Variants in SNTG1 observed in about 807,000 individuals in gnomAD.
SNTG1 encodes the protein syntrophin gamma 1.
In SNTG1, 39 loss-of-function variants were observed where a neutral mutation model predicts 74.7. The ratio of observed to expected loss-of-function variants is 0.52; its 90% CI spans 0.40 to 0.68. SNTG1 has a LOEUF of 0.68. Among genes scored for constraint, SNTG1 ranks in the 30% least tolerant of loss-of-function variants. The probability of loss-of-function intolerance (pLI) is 0.00; values close to 1 mark genes in which losing one functional copy is unlikely to be tolerated. For missense variants in SNTG1, 685 were observed against 609.5 expected, an observed-to-expected ratio of 1.12 and a Z score of -1.30; for synonymous variants, 254 against 217.1, an observed-to-expected ratio of 1.17 and a Z score of -1.49.
intron 13 of SNTG1, among the ~76,000 whole-genome samples, chr8:50,646,613 C>T (rs1231693846): frequency 6.6e-6 from 1 of 152,108 alleles, no homozygotes; most frequent in Non-Finnish European, 1.5e-5. Context: ...TTGATTCCTT[C>T]TTATAAAACA....
intron 1 of SNTG1, among the ~76,000 whole-genome samples, chr8:50,119,959 C>T (rs992819614): frequency 3.5e-5 from 5 of 141,942 alleles, no homozygotes; most frequent in African/African-American, 1.3e-4. Flanking sequence ...TCTTTATTAA[C>T]AATTACTTAT....
chr8:50,194,039 T>C (rs1384189186), intron 2 of SNTG1, among the ~76,000 whole-genome samples: 3 of 152,162 alleles, frequency 2.0e-5, no homozygotes, highest in African/African-American at 7.2e-5. Flanking sequence ...TCATGGTGGA[T>C]CATCTTTTTG....
At chr8:50,554,814 G>A (rs769646832) in intron 12 of SNTG1, among the ~76,000 whole-genome samples, 2 of 152,106 alleles carry the variant, frequency 1.3e-5, no homozygotes, top group Non-Finnish European at 2.9e-5. Context: ...ATTTGTTACA[G>A]AAATGATTAG....
At chr8:50,509,566 T>G (rs989127401) in intron 9 of SNTG1, among the ~76,000 whole-genome samples, 1 of 152,152 alleles carries the variant, frequency 6.6e-6, no homozygotes, top group South Asian at 2.1e-4. Context: ...TGTTCTTCCA[T>G]TTGTTTGTAT....
intron 9 of SNTG1, among the ~76,000 whole-genome samples, chr8:50,525,349 A>T (rs546396768): frequency 6.6e-6 from 1 of 152,254 alleles, no homozygotes; most frequent in African/African-American, 2.4e-5. Context: ...AATGAGTTTC[A>T]GTGTGAGCCT....
At chr8:50,254,948 CTTTTT>C (rs4006072) in intron 2 of SNTG1, among the ~76,000 whole-genome samples, 1 of 85,256 alleles carries the variant, frequency 1.2e-5, no homozygotes, top group Non-Finnish European at 2.3e-5. Context: ...TTTATTGCCA[CTTTTT>C]TTTTTTTTTT....
At chr8:50,538,031 C>T (rs1215662059) in intron 11 of SNTG1, among the ~76,000 whole-genome samples, 1 of 152,054 alleles carries the variant, frequency 6.6e-6, no homozygotes, top group Admixed American at 6.6e-5. Context: ...TTAGCATTAC[C>T]TCTTGATTTA....
At chr8:50,664,009 T>G (rs2095238535) in intron 15 of SNTG1, among the ~76,000 whole-genome samples, 1 of 152,178 alleles carries the variant, frequency 6.6e-6, no homozygotes, top group Non-Finnish European at 1.5e-5. Context: ...GTCCCCGAAC[T>G]CTAAGTATTC....
At chr8:50,732,514 A>C (rs2095515359) in intron 17 of SNTG1, among the ~76,000 whole-genome samples, 1 of 151,946 alleles carries the variant, frequency 6.6e-6, no homozygotes, top group Admixed American at 6.6e-5. Flanking sequence ...TTTTAACACA[A>C]AATGTTTAGA....
Position 50,578,567 on chromosome 8 carries a change from C to T in SNTG1, c.811-12312C>T, listed in dbSNP as rs1205438442. Among the ~76,000 whole-genome samples the T allele has an allele frequency of 3.9e-5, 6 of 152,208 alleles. No homozygotes were observed. The East Asian group carries it at 5.8e-4, about 15-fold the overall frequency. ...CATATCTCATCTTGAATTATAGTTCCTATAATGCCCACATGTTGTGGGAGG... is the reference window on the plus strand; with the variant it reads ...CATATCTCATCTTGAATTATAGTTCTTATAATGCCCACATGTTGTGGGAGG... On this transcript the variant is annotated intron_variant, in intron 12 of 18. Transcript: ENST00000642720.
chr8:50,028,579 C>G (rs1026328335), intron 1 of SNTG1, among the ~76,000 whole-genome samples: 2 of 138,312 alleles, frequency 1.4e-5, no homozygotes, highest in African/African-American at 5.4e-5. Context: ...CTACCAACAA[C>G]GTTTAAGAGA....
chr8:50,290,166 C>T (rs1476544588), intron 2 of SNTG1, among the ~76,000 whole-genome samples: 1 of 152,160 alleles, frequency 6.6e-6, no homozygotes, highest in Non-Finnish European at 1.5e-5. Context: ...ATTCCTTCAG[C>T]CTCATGTTTC....
At chr8:50,632,455 C>A (rs900960970) in intron 13 of SNTG1, among the ~76,000 whole-genome samples, 1 of 152,000 alleles carries the variant, frequency 6.6e-6, no homozygotes, top group East Asian at 1.9e-4. Context: ...GGACCACAGG[C>A]ATGCACCACC....
At chr8:50,052,612 T>C (rs1360757781) in intron 1 of SNTG1, among the ~76,000 whole-genome samples, 1 of 152,106 alleles carries the variant, frequency 6.6e-6, no homozygotes, top group Non-Finnish European at 1.5e-5. Flanking sequence ...TTTACCCCAG[T>C]GGACACTATT....
chr8:50,103,488 C>G (rs199826825), intron 1 of SNTG1, among the ~76,000 whole-genome samples: 4 of 151,728 alleles, frequency 2.6e-5, no homozygotes, highest in Admixed American at 1.3e-4. Flanking sequence ...TCTAGATATA[C>G]AATCATGTCA....
intron 1 of SNTG1, among the ~76,000 whole-genome samples, chr8:49,991,484 C>T (rs771937602): frequency 1.4e-4 from 22 of 152,032 alleles, no homozygotes; most frequent in South Asian, 6.2e-4. Flanking sequence ...CACACAAAAA[C>T]GTGTACAATA....
intron 13 of SNTG1, among the ~76,000 whole-genome samples, chr8:50,612,053 C>T (rs868586639): frequency 1.3e-5 from 2 of 152,080 alleles, no homozygotes; most frequent in Non-Finnish European, 2.9e-5. Context: ...CCACCACACC[C>T]GGACAAGACC....
intron 18 of SNTG1, among the ~76,000 whole-genome samples, chr8:50,773,814 T>G (rs2095633284): frequency 6.6e-6 from 1 of 152,108 alleles, no homozygotes. Context: ...TAATTTCAAT[T>G]GTGTATTACA....
intron 17 of SNTG1, among the ~76,000 whole-genome samples, chr8:50,714,913 A>G: frequency 6.6e-6 from 1 of 152,066 alleles, no homozygotes. Context: ...ATAATTTTGA[A>G]CTTTGGTTTT....
Sources: allele counts gnomAD v4.1 joint callset (sites outside exome capture counted in the v4.1 genomes callset), GRCh38; gene constraint gnomAD v4.1.1; transcripts MANE v1.5; gene names NCBI Gene and HGNC (gene_info 2026-07-23, HGNC 2026-07-21).